PCGF3: variants seen among roughly 807,000 people sequenced by gnomAD.
PCGF3 encodes polycomb group RING finger protein 3.
PCGF3 carries 7 observed loss-of-function variants against 33.1 expected under a neutral mutation model. The observed-to-expected ratio is 0.21, with a 90% confidence interval of 0.12 to 0.40. The LOEUF (loss-of-function observed/expected upper bound fraction) is 0.40, where lower values mean the gene tolerates loss of function less well. PCGF3 is among the 10% of genes least tolerant of loss of function. PCGF3 has a pLI of 1.00. For synonymous variants in PCGF3, 153 were observed against 121.3 expected, an observed-to-expected ratio of 1.26 and a Z score of -1.72; for missense variants, 211 against 313.3, an observed-to-expected ratio of 0.67 and a Z score of 2.46.
At chr4:727,068 C>T (rs1005589684) in intron 1 of PCGF3, among the ~76,000 whole-genome samples, 2 of 152,144 alleles carry the variant, frequency 1.3e-5, no homozygotes, top group South Asian at 4.1e-4. Flanking sequence ...GTTGCTCACT[C>T]TCACTGCCGA....
chr4:748,493 G>A (rs1403164570), intron 8 of PCGF3, among the ~76,000 whole-genome samples: 2 of 152,138 alleles, frequency 1.3e-5, no homozygotes, highest in African/African-American at 2.4e-5. Flanking sequence ...GCCAAGTAAC[G>A]GAACCTTAAT....
chr4:768,771 C>A (rs1477590056), exon 11 of PCGF3: 4 of 152,360 alleles, frequency 2.6e-5, no homozygotes, highest in Non-Finnish European at 4.4e-5. Context: ...TTCAGTGGTC[C>A]AGCTTTATTT....
chr4:718,440 T>C (rs982980301), intron 1 of PCGF3, among the ~76,000 whole-genome samples: 5 of 152,206 alleles, frequency 3.3e-5, no homozygotes, highest in Non-Finnish European at 5.9e-5. Flanking sequence ...CCTTAGTGAA[T>C]GTACCTTAGG....
At chr4:757,007 C>T (rs966193748) in intron 8 of PCGF3, 6 of 152,196 alleles carry the variant, frequency 3.9e-5, no homozygotes, top group Non-Finnish European at 7.3e-5. Flanking sequence ...ATAGGTAATT[C>T]GTTCAGTCCT....
chr4:726,951 T>C (rs770868886), intron 1 of PCGF3, among the ~76,000 whole-genome samples: 36 of 152,204 alleles, frequency 2.4e-4, no homozygotes, highest in Non-Finnish European at 4.6e-4. Context: ...TGTGTGTGCC[T>C]GTGTCCTCCC....
At chr4:757,850 A>G (rs570149672) in intron 8 of PCGF3, 40 of 152,252 alleles carry the variant, frequency 2.6e-4, no homozygotes, top group African/African-American at 9.4e-4. Flanking sequence ...TGGTTACAAA[A>G]TGTATAAACT....
intron 1 of PCGF3, among the ~76,000 whole-genome samples, chr4:723,145 C>T (rs1359965649): frequency 6.6e-6 from 1 of 150,470 alleles, no homozygotes; most frequent in African/African-American, 2.4e-5. Context: ...ACTCAGTCAT[C>T]GCCGTCCGCG....
exon 11 of PCGF3, chr4:769,331 TG>T (rs1197640222): frequency 9.2e-5 from 14 of 152,740 alleles, no homozygotes; most frequent in Admixed American, 9.2e-4. Context: ...TTGGACGTTC[TG>T]GGTACAAGCC....
chr4:763,216 G>A (rs375474886), intron 9 of PCGF3, among the ~76,000 whole-genome samples: 8 of 152,308 alleles, frequency 5.3e-5, no homozygotes, highest in Non-Finnish European at 8.8e-5. Context: ...TCTGTGTAGC[G>A]AAACAGAAAA....
At chr4:705,932 C>A (rs1324030875) in exon 1 of PCGF3, 2 of 152,204 alleles carry the variant, frequency 1.3e-5, no homozygotes, top group African/African-American at 2.4e-5. Flanking sequence ...GGCGCGGACC[C>A]CGCGTGCGCC....
chr4:743,244 G>T (rs940976849), intron 6 of PCGF3, among the ~76,000 whole-genome samples: 2 of 152,228 alleles, frequency 1.3e-5, no homozygotes, highest in Non-Finnish European at 2.9e-5. Flanking sequence ...TGGAGCAGCC[G>T]GTCTGCGACT....
intron 1 of PCGF3, among the ~76,000 whole-genome samples, chr4:722,976 TCA>T (rs1166620123): frequency 2.1e-4 from 28 of 134,080 alleles, no homozygotes; most frequent in African/African-American, 7.0e-4. Flanking sequence ...GGGTCCACAC[TCA>T]GTCATCGCCC....
At chr4:767,758 G>C (rs192662647) in exon 11 of PCGF3, 3 of 152,624 alleles carry the variant, frequency 2.0e-5, no homozygotes, top group Non-Finnish European at 4.4e-5. Context: ...AGGACGGTTT[G>C]AGTTACTCAG....
At chr4:743,879 T>G in intron 7 of PCGF3, 4 of 271,086 alleles carry the variant, frequency 1.5e-5, no homozygotes, top group East Asian at 7.2e-5. Flanking sequence ...GAAGGTGAAC[T>G]TCCTGAGACT....
At chr4:734,530 T>C (rs1743751467) in intron 4 of PCGF3, 2 of 1,188,142 alleles carry the variant, frequency 1.7e-6, no homozygotes, top group Non-Finnish European at 2.1e-6. Flanking sequence ...GCATATTTTA[T>C]GTTAGGTTAT....
At chr4:756,815 G>A (rs1223497773) in intron 8 of PCGF3, among the ~76,000 whole-genome samples, 1 of 152,138 alleles carries the variant, frequency 6.6e-6, no homozygotes, top group Non-Finnish European at 1.5e-5. Flanking sequence ...GGGTTAGATC[G>A]CAGAGGGGCC....
At chr4:761,515 T>G in intron 9 of PCGF3, 99 bp downstream of exon 9, 1 of 1,438,554 alleles carries the variant, frequency 7.0e-7, no homozygotes, top group African/African-American at 1.4e-5. Flanking sequence ...TTTTTAACAA[T>G]TTTGGAGATT....
At chr4:713,171 ATGG>A (rs1742648969) in intron 1 of PCGF3, among the ~76,000 whole-genome samples, 1 of 91,828 alleles carries the variant, frequency 1.1e-5, no homozygotes, top group South Asian at 4.0e-4. Context: ...GTGTGGCGTC[ATGG>A]GGGCTGTGGC....
exon 11 of PCGF3, chr4:766,052 C>G (rs1403288201): frequency 1.2e-6 from 2 of 1,614,184 alleles, no homozygotes; most frequent in South Asian, 2.2e-5. Flanking sequence ...TCCTGCTGCA[C>G]TACAGACCCA....
Sources: gnomAD v4.1 joint callset for allele counts (sites outside exome capture counted in the v4.1 genomes callset) on GRCh38, gnomAD v4.1.1 for gene constraint, MANE v1.5 for transcripts, NCBI Gene and HGNC (gene_info 2026-07-23, HGNC 2026-07-21) for gene names.